The following GPATCH8 variants were observed in gnomAD, a reference collection of about 807,000 sequenced individuals.
GPATCH8 encodes G-patch domain containing 8, also known as G patch domain-containing protein 8.
A neutral mutation model predicts 118.3 loss-of-function variants in GPATCH8; 18 were observed. The ratio of observed to expected loss-of-function variants is 0.15; its 90% confidence interval spans 0.11 to 0.23. The LOEUF (loss-of-function observed/expected upper bound fraction) is 0.23. Among genes scored for constraint, GPATCH8 ranks in the 10% least tolerant of loss-of-function variants. The probability of loss-of-function intolerance (pLI) is 1.00; values close to 1 mark genes in which losing one functional copy is unlikely to be tolerated. For synonymous variants in GPATCH8, 659 were observed against 684.7 expected (o/e 0.96, Z 0.59); for missense variants, 1,631 against 1,873.8 (o/e 0.87, Z 2.39).
intron 1 of GPATCH8, among the ~76,000 whole-genome samples, chr17:44,490,592 T>C (rs993622998): frequency 5.3e-5 from 8 of 152,130 alleles, no homozygotes; most frequent in African/African-American, 1.9e-4. Context: ...ATATAGTTTT[T>C]CATTTATGCT....
At position 44,396,092 on chromosome 17, in the gene GPATCH8, C is replaced by G; in HGVS notation, c.*1476G>C. ...CCTCCCAACAAAAGGAAGACTGTCCCAACTCATCCTCCAGCCTACTTCTAC... is the reference window on the plus strand; with the variant it reads ...CCTCCCAACAAAAGGAAGACTGTCCGAACTCATCCTCCAGCCTACTTCTAC... On this transcript the variant is annotated 3_prime_UTR_variant, in exon 8 of 8. Transcript: ENST00000591680. 1 of 454,468 alleles carries G rather than the reference C, an allele frequency of 2.2e-6. No individual in the cohort carries two copies. Among genetic ancestry groups the G allele is most frequent in the Non-Finnish European group, 4.4e-6 (1 of 226,774 alleles). 28.2% of individuals were successfully genotyped at this position (454,468 alleles called of 1,614,324 possible).
chr17:44,453,530 T>TGTGTGTGTGTGTGTGTGC (rs1052518435), intron 3 of GPATCH8, among the ~76,000 whole-genome samples: 24 of 150,562 alleles, frequency 1.6e-4, no homozygotes, highest in African/African-American at 4.7e-4. Context: ...TGTGTGTGTG[T>TGTGTGTGTGTGTGTGTGC]GCAGGCGCGC....
intron 3 of GPATCH8, among the ~76,000 whole-genome samples, chr17:44,442,325 C>G (rs1431758784): frequency 6.6e-6 from 1 of 151,066 alleles, no homozygotes; most frequent in Non-Finnish European, 1.5e-5. Flanking sequence ...TGAGAGAAAA[C>G]AGAACATTTG....
chr17:44,498,626 C>G (rs1216014591), intron 1 of GPATCH8, among the ~76,000 whole-genome samples: 3 of 152,190 alleles, frequency 2.0e-5, no homozygotes, highest in Non-Finnish European at 4.4e-5. Flanking sequence ...TATTTTGAAA[C>G]TGGTACAGCC....
chr17:44,438,124 G>T (rs1299848182), intron 3 of GPATCH8, among the ~76,000 whole-genome samples: 3 of 152,148 alleles, frequency 2.0e-5, no homozygotes, highest in African/African-American at 4.8e-5. Flanking sequence ...TTATAAAAAT[G>T]ACTTCCTAGG....
intron 5 of GPATCH8, among the ~76,000 whole-genome samples, chr17:44,426,360 T>G (rs568765459): frequency 2.0e-5 from 3 of 152,154 alleles, no homozygotes; most frequent in Admixed American, 1.3e-4. Flanking sequence ...CCCAGCACTT[T>G]GGGAGGCCGA....
At position 44,399,040 on chromosome 17, in the gene GPATCH8, C is replaced by T. The variant is rs757727627; in HGVS notation, c.3037G>A (p.Glu1013Lys). Reference protein sequence around the residue: ...SGSRKRSWGHESPEERHSGRR... With the variant: ...SGSRKRSWGHKSPEERHSGRR... ...CCAGAATGCCTCTCCTCAGGGCTCT[C>T]GTGACCCCATGATCTCTTCCTGGAG... The change falls in exon 8 of 8, where the codon GAG becomes AAG. Residue 1013 changes from glutamate (E) to lysine (K), a missense_variant. Physicochemically the swap from Glu to Lys is moderately conservative, Grantham distance 56. Around this residue, in one of 8 missense-constraint regions of GPATCH8, gnomAD observed 922 missense variants for 879.7 expected, o/e 1.05. Coordinates refer to ENST00000591680, the MANE Select transcript of GPATCH8 (RefSeq NM_001002909.4). 3 of 1,614,106 alleles carry T rather than the reference C, an allele frequency of 1.9e-6. No homozygotes were observed. The highest frequency in any genetic ancestry group is 1.1e-5 in the South Asian group (1 of 91,068).
At chr17:44,481,680 T>C (rs564541634) in intron 1 of GPATCH8, among the ~76,000 whole-genome samples, 2 of 152,342 alleles carry the variant, frequency 1.3e-5, no homozygotes, top group South Asian at 4.1e-4. Flanking sequence ...ATCTTAATTG[T>C]ACTTAAATTT....
chr17:44,463,196 A>G (rs1366996413), intron 3 of GPATCH8, among the ~76,000 whole-genome samples: 2 of 152,056 alleles, frequency 1.3e-5, no homozygotes, highest in African/African-American at 4.8e-5. Flanking sequence ...CTGGGATTAC[A>G]GACATGAGCC....
intron 2 of GPATCH8, among the ~76,000 whole-genome samples, chr17:44,472,601 A>G (rs1299402555): frequency 6.6e-6 from 1 of 152,218 alleles, no homozygotes; most frequent in Non-Finnish European, 1.5e-5. Context: ...AAGACAATTA[A>G]CCAACCATGC....
At position 44,462,748 on chromosome 17, in the gene GPATCH8, C is replaced by T. The variant is rs977117860; in HGVS notation, c.193+1724G>A. Among the ~76,000 whole-genome samples the T allele has an allele frequency of 2.6e-5, 4 of 151,934 alleles. No homozygotes were observed. The East Asian group carries it at 7.7e-4, about 29-fold the overall frequency. On this transcript the variant is annotated intron_variant, in intron 3 of 7. Coordinates refer to ENST00000591680, the MANE Select transcript of GPATCH8 (RefSeq NM_001002909.4). ...CTATAATCCCAGCACTTTTGGAGGCCGAGGCGGGCGGATCACGAGATCAGG... is the reference window on the plus strand; with the variant it reads ...CTATAATCCCAGCACTTTTGGAGGCTGAGGCGGGCGGATCACGAGATCAGG...
rs1171216466 is a variant in GPATCH8 at position 44,399,910 on chromosome 17, C to A, written c.2167G>T (p.Ala723Ser). The A allele has an allele frequency of 1.2e-6, 2 of 1,613,894 alleles. No homozygotes were observed. ...GGTCCTCGTTCAGAATCTGCTGGGG[C>A]TGATGACTTATTCTTCTTTCGTTTT... Reference protein sequence around the residue: ...KRKRKKNKSSAPADSERGPKP... With the variant: ...KRKRKKNKSSSPADSERGPKP... The change falls in exon 8 of 8, where the codon GCC becomes TCC. Residue 723 changes from alanine to serine, a missense_variant. By Grantham distance (99) the Ala-to-Ser change is moderately conservative. Transcript: ENST00000591680.
intron 6 of GPATCH8, among the ~76,000 whole-genome samples, chr17:44,418,938 G>C (rs2049792236): frequency 6.6e-6 from 1 of 152,204 alleles, no homozygotes; most frequent in South Asian, 2.1e-4. Flanking sequence ...ATCAGCTTCT[G>C]TATCTCTGAA....
rs536666199 is a variant in GPATCH8, at chr17:44,488,814, C to T, written c.46-13911G>A. ...AATAAAACAAAAAACAGGCCAGGCA[C>T]GGTGGCTCATGCCTGTAATCCCAGC... is the stretch of plus-strand genomic sequence containing the variant. On this transcript the variant is annotated intron_variant, in intron 1 of 7. Coordinates refer to ENST00000591680, the MANE Select transcript of GPATCH8 (RefSeq NM_001002909.4). Among the ~76,000 whole-genome samples, 70 of 151,636 alleles carry T rather than the reference C, an allele frequency of 4.6e-4. 1 individual carries two copies. Among genetic ancestry groups the T allele is most frequent in the East Asian group, 1.6e-3 (8 of 5,086 alleles).
chr17:44,457,864 G>A (rs1027990962), intron 3 of GPATCH8, among the ~76,000 whole-genome samples: 2 of 152,014 alleles, frequency 1.3e-5, no homozygotes, highest in African/African-American at 4.8e-5. Context: ...GGCAGATCAC[G>A]AGGTCAGGAG....
chr17:44,426,889 C>T (rs1012879724), intron 5 of GPATCH8, among the ~76,000 whole-genome samples: 3 of 151,846 alleles, frequency 2.0e-5, no homozygotes, highest in Non-Finnish European at 2.9e-5. Flanking sequence ...CTCACACTCT[C>T]TCTCAACTCC....
At chr17:44,409,226 C>T (rs1366604606) in intron 6 of GPATCH8, 1 of 152,238 alleles carries the variant, frequency 6.6e-6, no homozygotes, top group East Asian at 1.9e-4. Context: ...GAGTTCATCA[C>T]ATGATGCCTA....
chr17:44,412,432 G>C (rs2049477750), intron 6 of GPATCH8, among the ~76,000 whole-genome samples: 1 of 151,882 alleles, frequency 6.6e-6, no homozygotes, highest in African/African-American at 2.4e-5. Context: ...TGTCACCCAG[G>C]CTGGAGTGCA....
At chr17:44,487,056 CTA>C (rs1968841628) in intron 1 of GPATCH8, among the ~76,000 whole-genome samples, 1 of 151,832 alleles carries the variant, frequency 6.6e-6, no homozygotes, top group South Asian at 2.1e-4. Flanking sequence ...TGATGTAGTT[CTA>C]TGAGTTTTGA....
Sources: gnomAD v4.1 joint callset for allele counts (sites outside exome capture counted in the v4.1 genomes callset) on GRCh38, gnomAD v4.1.1 for gene constraint, gnomAD v4.1.1 regional missense constraint, MANE v1.5 for transcripts, NCBI Gene and HGNC (gene_info 2026-07-23, HGNC 2026-07-21) for gene names.